The following SPC25 variants were observed in gnomAD, a reference collection of about 807,000 sequenced individuals.
The protein encoded by SPC25 is SPC25 component of NDC80 kinetochore complex, also known as kinetochore protein Spc25.
SPC25 carries 22 observed loss-of-function variants against 29.6 expected under a neutral mutation model. The observed-to-expected ratio is 0.74, with a 90% CI of 0.53 to 1.06. SPC25 has a LOEUF of 1.06. Ranked by LOEUF, SPC25 falls within the 50% of genes least tolerant of loss-of-function variation. The pLI is 0.00. For synonymous variants in SPC25, 91 were observed against 90.4 expected (o/e 1.01, Z -0.04); for missense variants, 230 against 255.8 (o/e 0.90, Z 0.69).
intron 4 of SPC25, among the ~76,000 whole-genome samples, chr2:168,876,486 A>G (rs1248650854): frequency 2.6e-5 from 4 of 152,096 alleles, no homozygotes; most frequent in African/African-American, 4.8e-5. Flanking sequence ...CTTCATTTAT[A>G]CTACTGTGCT....
intron 3 of SPC25, among the ~76,000 whole-genome samples, chr2:168,878,671 T>C (rs1319393734): frequency 6.6e-6 from 1 of 152,210 alleles, no homozygotes; most frequent in Non-Finnish European, 1.5e-5. Flanking sequence ...TCAGAATTTG[T>C]GGTACTACAC....
chr2:168,890,017 G>T (rs371413469), intron 1 of SPC25, among the ~76,000 whole-genome samples: 11 of 152,266 alleles, frequency 7.2e-5, no homozygotes, highest in Admixed American at 3.3e-4. Context: ...CGTCGAGGAT[G>T]TATACAAGTC....
chr2:168,887,009 T>C (rs961430853), intron 3 of SPC25, among the ~76,000 whole-genome samples: 15 of 152,206 alleles, frequency 9.9e-5, no homozygotes, highest in South Asian at 2.1e-4. Context: ...GAACCCAAAC[T>C]CAATATCACT....
At chr2:168,865,157 GAGAC>G in intron 4 of SPC25, 5 of 645,074 alleles carry the variant, frequency 7.8e-6, no homozygotes, top group Non-Finnish European at 1.3e-5. Flanking sequence ...TGGATGGGTG[GAGAC>G]AGACAAGGAA....
At chr2:168,870,668 C>T (rs1201504114), downstream of SPC25, among the ~76,000 whole-genome samples, 16 of 151,414 alleles carry the variant, frequency 1.1e-4, 2 homozygotes, top group African/African-American at 3.9e-4. Context: ...TACCATCTCA[C>T]ACCAGTTAGA....
chr2:168,884,854 G>A (rs1209642891), intron 3 of SPC25: 2 of 152,152 alleles, frequency 1.3e-5, no homozygotes, highest in African/African-American at 4.8e-5. Flanking sequence ...CAACCCTGGA[G>A]AACTATCATG....
intron 3 of SPC25, among the ~76,000 whole-genome samples, chr2:168,886,031 T>C (rs1184936720): frequency 1.3e-5 from 2 of 151,410 alleles, no homozygotes; most frequent in East Asian, 1.9e-4. Context: ...TATTACATTA[T>C]TCTAACAACG....
downstream of SPC25, among the ~76,000 whole-genome samples, chr2:168,869,242 C>T (rs529219114): frequency 3.1e-4 from 47 of 152,206 alleles, no homozygotes; most frequent in Non-Finnish European, 6.2e-4. Flanking sequence ...AAACCCACAG[C>T]CAATATCATA....
At chr2:168,864,848 A>T in intron 4 of SPC25, 1 of 1,613,972 alleles carries the variant, frequency 6.2e-7, no homozygotes, top group Non-Finnish European at 8.5e-7. Context: ...CATTGTGATT[A>T]TACACGAGAA....
chr2:168,877,079 T>G (rs1460644648), intron 4 of SPC25, among the ~76,000 whole-genome samples, 159 bp downstream of exon 4: 5 of 152,174 alleles, frequency 3.3e-5, no homozygotes, highest in African/African-American at 1.2e-4. Context: ...CCCAGTTAGT[T>G]AACTTTAATG....
At position 168,877,214 on chromosome 2, in the gene SPC25, GTATGTT is replaced by G. The variant is rs751814013; in HGVS notation, c.346+18_346+23del. The G allele has an allele frequency of 4.4e-6, 7 of 1,608,964 alleles. No individual in the cohort carries two copies. The highest frequency in any genetic ancestry group is 5.9e-6 in the Non-Finnish European group (7 of 1,178,140). ...CGTCACCACTTTCCATTTTAGATCA[GTATGTT>G]TATAAGAGGAAACTTACTTTCCTTC... On this transcript the variant is annotated intron_variant, in intron 4 of 6. Coordinates refer to ENST00000282074, the MANE Select transcript of SPC25 (RefSeq NM_020675.4).
At position 168,871,281 on chromosome 2, in the gene SPC25, C is replaced by A; in HGVS notation, c.*150G>T. 1 of 651,700 alleles carries A rather than the reference C, an allele frequency of 1.5e-6. No individual in the cohort carries two copies. 40.4% of individuals were successfully genotyped at this position (651,700 alleles called of 1,614,324 possible). On this transcript the variant is annotated 3_prime_UTR_variant, in exon 7 of 7. Coordinates refer to ENST00000282074, the MANE Select transcript of SPC25 (RefSeq NM_020675.4). ...ATGACGAGTTAATGGGTGCAGCACA[C>A]CAATATGGCACATGTATACATATGT...
chr2:168,890,190 G>T, intron 1 of SPC25, 128 bp downstream of exon 1: 2 of 375,660 alleles, frequency 5.3e-6, no homozygotes, highest in Non-Finnish European at 7.3e-6. Context: ...AGGCTGTGAG[G>T]CCCAAACAGC....
At chr2:168,889,804 A>G (rs939269333) in intron 1 of SPC25, among the ~76,000 whole-genome samples, 1 of 152,142 alleles carries the variant, frequency 6.6e-6, no homozygotes, top group South Asian at 2.1e-4. Flanking sequence ...CCCTGGGTCC[A>G]TTTTCTCACA....
chr2:168,868,156 T>C (rs528509795), downstream of SPC25, among the ~76,000 whole-genome samples: 7,410 of 71,792 alleles, frequency 0.1, no homozygotes, highest in East Asian at 0.23. Context: ...TTGTAACCAA[T>C]GAGAACAAAG....
At chr2:168,881,592 T>G (rs1340360535) in intron 3 of SPC25, among the ~76,000 whole-genome samples, 1 of 152,230 alleles carries the variant, frequency 6.6e-6, no homozygotes, top group African/African-American at 2.4e-5. Flanking sequence ...AAGTGGTGCT[T>G]TATAATGTGC....
chr2:168,869,406 G>A (rs1394882764), downstream of SPC25, among the ~76,000 whole-genome samples: 1 of 152,154 alleles, frequency 6.6e-6, no homozygotes, highest in African/African-American at 2.4e-5. Context: ...AGGAAAAGAG[G>A]AACTCAAATT....
rs371390747 is a variant in SPC25, at chr2:168,863,414, G to GA, written n.419+10170dup. ...TGAGGAAAAGAGTGAAAGGAAGACTGAAAAATCACCTCAGAATGATGCCAA... is the reference window on the plus strand; with the variant it reads ...TGAGGAAAAGAGTGAAAGGAAGACTGAAAAAATCACCTCAGAATGATGCCAA... On this transcript the variant is annotated intron_variant and non_coding_transcript_variant, in intron 4 of 4. Coordinates refer to the SPC25 transcript ENST00000479309. The GA allele has an allele frequency of 1.6e-4, 155 of 984,936 alleles. No homozygotes were observed. In the African/African-American group the frequency reaches 2.6e-3, roughly 16 times the overall value. The allele number at this position is 984,936 out of a possible 1,614,324, so 61.0% of individuals were successfully genotyped here. A position where few individuals can be genotyped will look rare whatever the true frequency, so the allele number is the denominator to read the frequency against.
rs1221825706 is a variant in SPC25 at position 168,888,953 on chromosome 2, G to GTA, written c.199+272_199+273insTA. ...TGTGTGTGTGTGTGTGTGTGTGTGTGTGTGTATATATATATATATACACAC... is the reference window on the plus strand; with the variant it reads ...TGTGTGTGTGTGTGTGTGTGTGTGTGTATGTGTATATATATATATATACACAC... On this transcript the variant is annotated intron_variant, in intron 3 of 6. Coordinates refer to ENST00000282074, the MANE Select transcript of SPC25 (RefSeq NM_020675.4). 3.6e-3 allele frequency among the ~76,000 whole-genome samples: 223 copies of GTA among 61,564 alleles called. 6 individuals carry two copies. The highest frequency in any genetic ancestry group is 0.017 in the African/African-American group (206 of 12,264). 40.4% of individuals were successfully genotyped at this position (61,564 alleles called of 152,430 possible).
Sources: gnomAD v4.1 joint callset for allele counts (sites outside exome capture counted in the v4.1 genomes callset) on GRCh38, gnomAD v4.1.1 for gene constraint, MANE v1.5 for transcripts, NCBI Gene and HGNC (gene_info 2026-07-23, HGNC 2026-07-21) for gene names.